The following MIA3 variants were observed in gnomAD, a reference collection of about 807,000 sequenced individuals.
The protein encoded by MIA3 is transport and Golgi organization protein 1 homolog.
MIA3 carries 90 observed loss-of-function variants against 192.4 expected under a neutral mutation model. The observed-to-expected ratio is 0.47, with a 90% CI of 0.39 to 0.56. MIA3 has a LOEUF of 0.56. MIA3 is among the 20% of genes least tolerant of loss of function. The pLI, the probability that MIA3 is intolerant of heterozygous loss-of-function variation, is 0.00. For synonymous variants in MIA3, 740 were observed against 792.8 expected, an observed-to-expected ratio of 0.93 and a Z score of 1.12; for missense variants, 2,123 against 2,269.4, an observed-to-expected ratio of 0.94 and a Z score of 1.31.
chr1:222,619,137 G>C (rs1661744556), intron 1 of MIA3, among the ~76,000 whole-genome samples: 1 of 152,230 alleles, frequency 6.6e-6, no homozygotes, highest in African/African-American at 2.4e-5. Flanking sequence ...TTCAGGCTCA[G>C]ATGAAGAAGG....
rs376096903 is a variant in MIA3 at position 222,650,935 on chromosome 1, A to C, written c.3909+32A>C. 27 of 1,384,104 alleles carry C rather than the reference A, an allele frequency of 2.0e-5. No homozygotes were observed. The African/African-American group carries it at 3.8e-4, about 19-fold the overall frequency. 85.7% of individuals were successfully genotyped at this position (1,384,104 alleles called of 1,614,324 possible). A position where few individuals can be genotyped will look rare whatever the true frequency, so the allele number is the denominator to read the frequency against. On this transcript the variant is annotated intron_variant, in intron 11 of 27. Coordinates refer to ENST00000344922, the MANE Select transcript of MIA3 (RefSeq NM_198551.4). ...GTTTTGCTGCTAAGTATTACTAATA[A>C]TTTGGGTTTTGAACTCTTTTGTAGA...
At chr1:222,633,032 A>G (rs1662471193) in intron 5 of MIA3, 72 bp from the exon 6 acceptor site, 3 of 1,439,138 alleles carry the variant, frequency 2.1e-6, no homozygotes, top group East Asian at 2.3e-5. Context: ...TTTAGTGGAT[A>G]CTCAATAAGT....
intron 5 of MIA3, 23 bp from the exon 6 acceptor site, chr1:222,633,081 T>A: frequency 6.4e-7 from 1 of 1,571,518 alleles, no homozygotes. Flanking sequence ...GCACAAAATG[T>A]CTATCTTTCC....
At chr1:222,649,018 A>G (rs1035611729) in intron 8 of MIA3, among the ~76,000 whole-genome samples, 168 bp downstream of exon 8, 5 of 152,182 alleles carry the variant, frequency 3.3e-5, no homozygotes, top group African/African-American at 1.2e-4. Context: ...GTAAATGGTG[A>G]TGCTACCAAC....
rs892064159 is a variant in MIA3, at chr1:222,651,015, G to A, written c.3909+112G>A. On this transcript the variant is annotated intron_variant, in intron 11 of 27. Coordinates refer to ENST00000344922, the MANE Select transcript of MIA3 (RefSeq NM_198551.4). ...TTATGTGAAGTAAGAGTGCGAGTCA[G>A]GGAAGTTGAACCTACTTCTGTCCAT... 73 of 643,618 alleles carry A rather than the reference G, an allele frequency of 1.1e-4. 1 individual carries two copies. Among genetic ancestry groups the A allele is most frequent in the Non-Finnish European group, 8.0e-6 (3 of 376,584 alleles). 39.9% of individuals were successfully genotyped at this position (643,618 alleles called of 1,614,324 possible).
At chr1:222,621,404 C>G (rs937367100) in intron 2 of MIA3, 112 bp downstream of exon 2, 16 of 1,048,492 alleles carry the variant, frequency 1.5e-5, no homozygotes, top group Admixed American at 1.3e-4. Context: ...AACTTGTCCT[C>G]TCTGCCTGAC....
intron 3 of MIA3, among the ~76,000 whole-genome samples, chr1:222,625,731 A>C (rs1662084745): frequency 6.6e-6 from 1 of 152,108 alleles, no homozygotes; most frequent in African/African-American, 2.4e-5. Flanking sequence ...TAGAATCTGC[A>C]TTCCATCTGA....
At chr1:222,649,972 T>G (rs1663338751) in intron 8 of MIA3, among the ~76,000 whole-genome samples, 1 of 152,034 alleles carries the variant, frequency 6.6e-6, no homozygotes, top group Non-Finnish European at 1.5e-5. Context: ...CTGCACACTT[T>G]TAAAACCAGA....
chr1:222,644,344 T>C lies in MIA3; in HGVS notation c.3478-1210T>C, dbSNP rs1333765074. On this transcript the variant is annotated intron_variant, in intron 6 of 27. Coordinates refer to ENST00000344922, the MANE Select transcript of MIA3 (RefSeq NM_198551.4). ...GGCATAAAGCGAAAGTGCAGGCAGC[T>C]GTGGAAGGCGAAGTTCAATCCCAGA... 2.1e-5 allele frequency: 31 copies of C among 1,482,004 alleles called. 1 individual carries two copies. In the Middle Eastern group the frequency reaches 1.3e-3, roughly 60 times the overall value. 91.8% of individuals were successfully genotyped at this position (1,482,004 alleles called of 1,614,324 possible).
intron 7 of MIA3, among the ~76,000 whole-genome samples, chr1:222,646,666 C>T (rs893973774): frequency 6.6e-6 from 1 of 152,008 alleles, no homozygotes; most frequent in Admixed American, 6.6e-5. Flanking sequence ...GCAGGAGAAT[C>T]GCTTGAACTG....
chr1:222,648,800 T>G, intron 7 of MIA3, 29 bp from the exon 8 acceptor site: 1 of 1,224,548 alleles, frequency 8.2e-7, no homozygotes. Context: ...ATGTTTGACA[T>G]CAAATTTAAT....
chr1:222,641,468 C>T, intron 6 of MIA3: 1 of 498,750 alleles, frequency 2.0e-6, no homozygotes, highest in South Asian at 1.5e-5. Context: ...GCTGAATCGT[C>T]TGGCTCATCA....
intron 6 of MIA3, 111 bp downstream of exon 6, chr1:222,633,360 A>T: frequency 5.4e-6 from 5 of 919,936 alleles, no homozygotes; most frequent in Non-Finnish European, 8.2e-6. Context: ...CTGACTCCTG[A>T]TCCTTTGAAG....
chr1:222,650,320 G>T lies in MIA3; in HGVS notation c.3660G>T (p.Leu1220Phe). Residue 1220 changes from leucine to phenylalanine, a missense_variant, in exon 9 of 28, where the codon TTG becomes TTT. Around this residue, in one of 3 missense-constraint regions of MIA3, gnomAD observed 762 missense variants for 856.4 expected, o/e 0.89. Transcript: ENST00000344922. ...CGGAACAGCAAATTTCTGAGAAGTT[G>T]AAGACTATCATGAAAGAAAATACAG... Reference protein sequence around the residue: ...QVTEQQISEKLKTIMKENTEL... With the variant: ...QVTEQQISEKFKTIMKENTEL... 6.2e-7 allele frequency: 1 copy of T among 1,606,264 alleles called. No individual in the cohort carries two copies. The highest frequency in any genetic ancestry group is 1.1e-5 in the South Asian group (1 of 90,572).
rs765606466 is a variant in MIA3 at position 222,645,665 on chromosome 1, T to A, written c.3589T>A (p.Leu1197Ile). The stretch of plus-strand genomic sequence containing the variant: ...GGGAATTGCTTCGTTTGCCATTTTC[T>A]TATGGAGAACTGTCCTTGTTGTGAG... The part of the protein sequence containing the change: ...FLGIASFAIF[L>I]WRTVLVVKDR... The change falls in exon 7 of 28, where the codon TTA (leucine) becomes ATA (isoleucine). Residue 1197 changes from leucine (L) to isoleucine (I), a missense_variant. By Grantham distance (5) the Leu-to-Ile change is conservative. Coordinates refer to ENST00000344922, the MANE Select transcript of MIA3 (RefSeq NM_198551.4). 3.7e-6 allele frequency: 6 copies of A among 1,613,906 alleles called. No homozygotes were observed. The African/African-American group carries it at 8.0e-5, about 22-fold the overall frequency.
intron 15 of MIA3, 132 bp from the exon 16 acceptor site, chr1:222,654,111 A>T: frequency 1.2e-6 from 1 of 827,700 alleles, no homozygotes. Flanking sequence ...AGTCAGTCTA[A>T]TCCTTTTCTG....
intron 7 of MIA3, 164 bp downstream of exon 7, chr1:222,645,849 T>TTTTTTTTTTTTTTTTTTTTTTTTTTTGAG: frequency 1.7e-6 from 1 of 594,854 alleles, no homozygotes; most frequent in East Asian, 4.0e-5. Flanking sequence ...GGTAAATTCT[T>TTTTTTTTTTTTTTTTTTTTTTTTTTTGAG]AAGTGAATAA....
intron 17 of MIA3, 21 bp from the exon 18 acceptor site, chr1:222,654,634 C>G: frequency 6.2e-7 from 1 of 1,612,008 alleles, no homozygotes; most frequent in Non-Finnish European, 8.5e-7. Context: ...ATATGGAACT[C>G]AAATGTTTTA....
At chr1:222,641,840 T>C (rs878869970) in intron 6 of MIA3, 22 of 518,112 alleles carry the variant, frequency 4.2e-5, no homozygotes, top group Non-Finnish European at 8.2e-5. Flanking sequence ...GGCAGATTCA[T>C]CTCTGTGATA....
Sources: allele counts gnomAD v4.1 joint callset (sites outside exome capture counted in the v4.1 genomes callset), GRCh38; gene constraint gnomAD v4.1.1; regional missense constraint gnomAD v4.1.1; transcripts MANE v1.5; gene names NCBI Gene and HGNC (gene_info 2026-07-23, HGNC 2026-07-21).